The following FOCAD variants were observed in gnomAD, a reference collection of about 807,000 sequenced individuals.
The protein encoded by FOCAD is KIAA1797.
A neutral mutation model predicts 225.6 loss-of-function variants in FOCAD; 198 were observed. The ratio of observed to expected loss-of-function variants is 0.88; its 90% CI spans 0.78 to 0.99. The LOEUF (loss-of-function observed/expected upper bound fraction) is 0.99. Among genes scored for constraint, FOCAD ranks in the 50% least tolerant of loss-of-function variants. The pLI, the probability that FOCAD is intolerant of heterozygous loss-of-function variation, is 0.00. For missense variants in FOCAD, 2,713 were observed against 2,123.6 expected, an observed-to-expected ratio of 1.28 and a Z score of -5.46; for synonymous variants, 897 against 755.0, an observed-to-expected ratio of 1.19 and a Z score of -3.08.
chr9:20,768,702 G>T (rs980334179), intron 7 of FOCAD, among the ~76,000 whole-genome samples: 6 of 152,110 alleles, frequency 3.9e-5, no homozygotes, highest in South Asian at 2.1e-4. Context: ...ATGCAACCTT[G>T]TTGACCAATC....
chr9:20,893,077 A>G (rs1045829491), intron 21 of FOCAD, among the ~76,000 whole-genome samples: 1 of 152,076 alleles, frequency 6.6e-6, no homozygotes, highest in African/African-American at 2.4e-5. Flanking sequence ...TGCAGTGACT[A>G]TCCACAGGTG....
At chr9:20,800,180 C>T (rs1346412633) in intron 11 of FOCAD, among the ~76,000 whole-genome samples, 1 of 151,896 alleles carries the variant, frequency 6.6e-6, no homozygotes, top group Non-Finnish European at 1.5e-5. Flanking sequence ...TTGGCTCCCA[C>T]TCTCTTCTGG....
chr9:20,738,277 C>T (rs936774851), intron 4 of FOCAD, among the ~76,000 whole-genome samples: 7 of 152,184 alleles, frequency 4.6e-5, no homozygotes, highest in African/African-American at 1.7e-4. Flanking sequence ...AGATGCCATG[C>T]AGTCAGACTT....
At chr9:20,724,790 A>T (rs1017775340) in intron 4 of FOCAD, among the ~76,000 whole-genome samples, 1 of 152,158 alleles carries the variant, frequency 6.6e-6, no homozygotes. Flanking sequence ...CTAATTAAAA[A>T]CAAGACACTC....
rs199729075 is a variant in FOCAD at position 20,714,604 on chromosome 9, T to TTGCCTGCCTGCCTGCCTGCCTGCCTGCC, written c.-32-712_-32-685dup. On this transcript the variant is annotated intron_variant, in intron 1 of 43. Coordinates refer to ENST00000338382, the MANE Select transcript of FOCAD (RefSeq NM_001375567.1). Reference sequence around the variant, plus strand: ...CTGCCTTCCCCATCCTTTTGCATGCTTGCCTGCCTGCCTGCCTGCCTGCCT... The same window carrying TTGCCTGCCTGCCTGCCTGCCTGCCTGCC: ...CTGCCTTCCCCATCCTTTTGCATGCTTGCCTGCCTGCCTGCCTGCCTGCCTGCCTGCCTGCCTGCCTGCCTGCCTGCCT... Among the ~76,000 whole-genome samples, 50 of 59,334 alleles carry TTGCCTGCCTGCCTGCCTGCCTGCCTGCC rather than the reference T, an allele frequency of 8.4e-4. 1 individual carries two copies. The highest frequency in any genetic ancestry group is 2.8e-3 in the African/African-American group (46 of 16,486). 38.9% of individuals were successfully genotyped at this position (59,334 alleles called of 152,430 possible).
chr9:20,775,900 T>G (rs1044365958), intron 8 of FOCAD, among the ~76,000 whole-genome samples: 2 of 151,832 alleles, frequency 1.3e-5, no homozygotes, highest in African/African-American at 2.4e-5. Flanking sequence ...TTTTATTTCC[T>G]TATTTATTTT....
At chr9:20,877,513 TAAC>T (rs1564102208) in intron 19 of FOCAD, among the ~76,000 whole-genome samples, 3 of 152,142 alleles carry the variant, frequency 2.0e-5, no homozygotes, top group African/African-American at 7.2e-5. Flanking sequence ...ACAGGTATAC[TAAC>T]AACAGCCACA....
intron 35 of FOCAD, among the ~76,000 whole-genome samples, chr9:20,969,989 C>CA (rs1370717641): frequency 2.9e-5 from 1 of 34,048 alleles, no homozygotes; most frequent in East Asian, 9.4e-4. Context: ...TTTTCGATGA[C>CA]AGTTTTTTTT....
intron 35 of FOCAD, among the ~76,000 whole-genome samples, chr9:20,960,718 A>C (rs1330896367): frequency 2.0e-5 from 3 of 151,234 alleles, no homozygotes; most frequent in Non-Finnish European, 4.4e-5. Context: ...ATATCTCCTA[A>C]TGCTTTCCCT....
chr9:20,964,133 A>G (rs1298931285), intron 35 of FOCAD, among the ~76,000 whole-genome samples: 1 of 152,030 alleles, frequency 6.6e-6, no homozygotes, highest in Non-Finnish European at 1.5e-5. Flanking sequence ...TGGGAAGCTG[A>G]GGCAGGTAGA....
intron 28 of FOCAD, among the ~76,000 whole-genome samples, chr9:20,937,792 A>G (rs1042120868): frequency 7.2e-5 from 11 of 152,172 alleles, no homozygotes; most frequent in African/African-American, 2.7e-4. Context: ...GTGAACAGGC[A>G]ACCTACAGAA....
chr9:20,799,302 G>A (rs1323224032), intron 11 of FOCAD, among the ~76,000 whole-genome samples: 2 of 152,184 alleles, frequency 1.3e-5, no homozygotes, highest in African/African-American at 4.8e-5. Flanking sequence ...GTGGTGTGGT[G>A]CTGAAAAGAA....
intron 7 of FOCAD, among the ~76,000 whole-genome samples, chr9:20,765,386 CT>C (rs1426682718): frequency 6.6e-6 from 1 of 151,584 alleles, no homozygotes; most frequent in African/African-American, 2.4e-5. Flanking sequence ...TGAGTTTCTT[CT>C]GTGTAGACAT....
chr9:20,766,352 G>A (rs1830051376), intron 7 of FOCAD, among the ~76,000 whole-genome samples: 1 of 152,216 alleles, frequency 6.6e-6, no homozygotes, highest in African/African-American at 2.4e-5. Context: ...TGAAGCGTGT[G>A]AGGGTTGGAC....
chr9:20,924,033 A>G (rs1461620739), intron 25 of FOCAD, among the ~76,000 whole-genome samples: 4 of 152,220 alleles, frequency 2.6e-5, no homozygotes, highest in Admixed American at 6.5e-5. Context: ...GATTACATCA[A>G]TGGTAACCAA....
intron 7 of FOCAD, 33 bp from the exon 8 acceptor site, chr9:20,769,999 T>A (rs1191974080): frequency 6.4e-7 from 1 of 1,569,168 alleles, no homozygotes; most frequent in Admixed American, 1.7e-5. Context: ...GTTTGTGTAT[T>A]TTTTAATATC....
At chr9:20,765,559 C>T (rs1298614438) in intron 7 of FOCAD, among the ~76,000 whole-genome samples, 1 of 152,178 alleles carries the variant, frequency 6.6e-6, no homozygotes, top group Non-Finnish European at 1.5e-5. Flanking sequence ...CAGCAGCTCT[C>T]AGGGATCCTG....
At chr9:20,714,549 C>G (rs1410441149) in intron 1 of FOCAD, among the ~76,000 whole-genome samples, 1 of 151,864 alleles carries the variant, frequency 6.6e-6, no homozygotes, top group African/African-American at 2.4e-5. Flanking sequence ...AGGAAATCCT[C>G]TTATTAGTTC....
intron 21 of FOCAD, among the ~76,000 whole-genome samples, chr9:20,896,419 G>T (rs1832092715): frequency 6.6e-6 from 1 of 151,880 alleles, no homozygotes; most frequent in South Asian, 2.1e-4. Flanking sequence ...TTCTGAAAGA[G>T]ACTGTTGGGA....
Sources: allele counts gnomAD v4.1 joint callset (sites outside exome capture counted in the v4.1 genomes callset), GRCh38; gene constraint gnomAD v4.1.1; transcripts MANE v1.5; gene names NCBI Gene and HGNC (gene_info 2026-07-23, HGNC 2026-07-21).